ARHGAP32: variants seen among roughly 807,000 people sequenced by gnomAD.
ARHGAP32 encodes the protein Rho GTPase activating protein 32, also known as rho GTPase-activating protein 32.
Under a neutral mutation model 186.5 loss-of-function variants are expected in ARHGAP32, and 51 were observed. That is an observed-to-expected ratio of 0.27 (90% CI 0.22 to 0.35). ARHGAP32 has a LOEUF of 0.35. Among genes scored for constraint, ARHGAP32 ranks in the 10% least tolerant of loss-of-function variants. The pLI is 1.00. For synonymous variants in ARHGAP32, 950 were observed against 964.3 expected (o/e 0.99, Z 0.27); for missense variants, 2,186 against 2,623.5 (o/e 0.83, Z 3.64).
intron 1 of ARHGAP32, among the ~76,000 whole-genome samples, chr11:129,245,431 A>G (rs1204705833): frequency 1.4e-5 from 2 of 146,866 alleles, no homozygotes; most frequent in Non-Finnish European, 3.0e-5. Context: ...GGGGACTATC[A>G]CACTCTGGGG....
intron 5 of ARHGAP32, among the ~76,000 whole-genome samples, chr11:129,101,082 T>C (rs562897748): frequency 6.6e-6 from 1 of 152,152 alleles, no homozygotes; most frequent in Non-Finnish European, 1.5e-5. Context: ...AAAGTCTGGA[T>C]GTAATACAGT....
chr11:129,228,728 C>G (rs182009043), intron 1 of ARHGAP32, among the ~76,000 whole-genome samples: 1 of 152,132 alleles, frequency 6.6e-6, no homozygotes, highest in African/African-American at 2.4e-5. Context: ...GAAGGGAGAG[C>G]ATCAAGATAA....
intron 1 of ARHGAP32, among the ~76,000 whole-genome samples, chr11:129,224,489 T>C (rs2135620827): frequency 6.6e-6 from 1 of 152,222 alleles, no homozygotes; most frequent in Non-Finnish European, 1.5e-5. Flanking sequence ...ATGGAACATT[T>C]TTTCAAGAAA....
chr11:129,159,110 T>G (rs990424578), intron 2 of ARHGAP32, among the ~76,000 whole-genome samples: 1 of 152,104 alleles, frequency 6.6e-6, no homozygotes, highest in African/African-American at 2.4e-5. Context: ...GTGGGAAAGA[T>G]CTAAAATTGG....
intron 1 of ARHGAP32, among the ~76,000 whole-genome samples, chr11:129,270,920 T>G (rs1945465359): frequency 6.6e-6 from 1 of 152,232 alleles, no homozygotes; most frequent in Middle Eastern, 3.4e-3. Context: ...AGCAGCCACT[T>G]TGGCCTCTAC....
chr11:129,124,198 A>C (rs563784617), intron 3 of ARHGAP32, among the ~76,000 whole-genome samples: 1 of 152,278 alleles, frequency 6.6e-6, no homozygotes, highest in East Asian at 1.9e-4. Context: ...TTATATTTCA[A>C]ATACATTTTA....
chr11:129,000,685 C>A (rs557266908), intron 11 of ARHGAP32, among the ~76,000 whole-genome samples: 1 of 151,998 alleles, frequency 6.6e-6, no homozygotes, highest in Non-Finnish European at 1.5e-5. Context: ...CTGTAGTCAG[C>A]CTGTTGTGCT....
rs182354338 is a variant in ARHGAP32 at position 128,992,336 on chromosome 11, T to G, written c.1196-4211A>C. ...TAGTGATCTCAATTCAAACTTTTAA[T>G]GAAATTCAGTTTTAAATATGTACAC... is the stretch of plus-strand genomic sequence containing the variant. On this transcript the variant is annotated intron_variant, in intron 12 of 22. Transcript: ENST00000682385. 5.1e-3 allele frequency among the ~76,000 whole-genome samples: 770 copies of G among 152,184 alleles called. 3 individuals carry two copies. The highest frequency in any genetic ancestry group is 9.1e-3 in the Non-Finnish European group (620 of 68,014).
chr11:128,989,931 G>A (rs987442060), intron 12 of ARHGAP32, among the ~76,000 whole-genome samples: 2 of 152,116 alleles, frequency 1.3e-5, no homozygotes, highest in African/African-American at 2.4e-5. Flanking sequence ...TGGTATATAT[G>A]TGCCACATTT....
In ARHGAP32 at chr11:128,966,282, A is replaced by G. The variant is rs1195291656; in HGVS notation, c.*2625T>C. 2.0e-5 allele frequency: 3 copies of G among 152,270 alleles called. No individual in the cohort carries two copies. Among genetic ancestry groups the G allele is most frequent in the Non-Finnish European group, 2.9e-5 (2 of 68,062 alleles). The allele number at this position is 152,270 out of a possible 1,614,324, so 9.4% of individuals were successfully genotyped here. A position where few individuals can be genotyped will look rare whatever the true frequency, so the allele number is the denominator to read the frequency against. On this transcript the variant is annotated 3_prime_UTR_variant, in exon 23 of 23. Transcript: ENST00000682385. ...TGCTCCATGTCAAAATTTGAAAGTA[A>G]TAACATTCAGTTACCCCATTTGTGA...
At chr11:129,154,425 GC>G (rs1449144441) in intron 2 of ARHGAP32, among the ~76,000 whole-genome samples, 2 of 152,116 alleles carry the variant, frequency 1.3e-5, no homozygotes, top group African/African-American at 4.8e-5. Context: ...AAAGACACTT[GC>G]ATGCACATGT....
chr11:129,214,945 C>T (rs1027662754), intron 1 of ARHGAP32, among the ~76,000 whole-genome samples: 14 of 152,300 alleles, frequency 9.2e-5, no homozygotes, highest in African/African-American at 3.1e-4. Context: ...CCAAAACAAG[C>T]AGGACAGTTT....
At position 129,115,491 on chromosome 11, in the gene ARHGAP32, C is replaced by T. The variant is rs569467130; in HGVS notation, c.444+7955G>A. Among the ~76,000 whole-genome samples the T allele has an allele frequency of 1.5e-4, 23 of 152,174 alleles. No individual in the cohort carries two copies. In the South Asian group the frequency reaches 3.5e-3, roughly 23 times the overall value. ...AGTATCTGATAAAGTAACCGATGTG[C>T]TCATCTTTAAACACTAGAATCACCA... On this transcript the variant is annotated intron_variant, in intron 5 of 22. Transcript: ENST00000682385.
intron 11 of ARHGAP32, among the ~76,000 whole-genome samples, chr11:129,014,992 T>C (rs1372312343): frequency 1.3e-5 from 2 of 152,216 alleles, no homozygotes; most frequent in Non-Finnish European, 2.9e-5. Flanking sequence ...CACGACAATA[T>C]ATCTATTCAC....
At chr11:129,058,602 T>G (rs1290072249) in intron 10 of ARHGAP32, among the ~76,000 whole-genome samples, 4 of 152,226 alleles carry the variant, frequency 2.6e-5, no homozygotes, top group Non-Finnish European at 5.9e-5. Flanking sequence ...GCAGAAGGCC[T>G]GAAGGAGGCC....
chr11:129,186,221 C>T (rs1244352835), intron 1 of ARHGAP32, among the ~76,000 whole-genome samples: 1 of 152,114 alleles, frequency 6.6e-6, no homozygotes, highest in East Asian at 1.9e-4. Flanking sequence ...AACTTTTATA[C>T]AGGTCTATAT....
At chr11:129,224,768 C>CAA (rs57944399) in intron 1 of ARHGAP32, among the ~76,000 whole-genome samples, 16,785 of 102,932 alleles carry the variant, frequency 0.16, 1,767 homozygotes, top group Non-Finnish European at 0.19. Context: ...TTGGCTAGAG[C>CAA]AAAAAAAAAA....
intron 17 of ARHGAP32, 76 bp downstream of exon 17, chr11:128,981,340 T>C (rs1945700883): frequency 1.4e-6 from 2 of 1,463,624 alleles, no homozygotes; most frequent in Non-Finnish European, 1.8e-6. Flanking sequence ...GTTGTTGCAA[T>C]AAGAAATGCA....
At chr11:129,031,774 TC>T (rs1381857014) in intron 11 of ARHGAP32, among the ~76,000 whole-genome samples, 1 of 152,080 alleles carries the variant, frequency 6.6e-6, no homozygotes, top group Non-Finnish European at 1.5e-5. Context: ...TGTTGCCTTT[TC>T]CAAAACCACC....
Sources: gnomAD v4.1 joint callset for allele counts (sites outside exome capture counted in the v4.1 genomes callset) on GRCh38, gnomAD v4.1.1 for gene constraint, MANE v1.5 for transcripts, NCBI Gene and HGNC (gene_info 2026-07-23, HGNC 2026-07-21) for gene names.